Variants in STARD13 observed in about 807,000 individuals in gnomAD.
STARD13 encodes the protein stAR-related lipid transfer protein 13.
STARD13 carries 62 observed loss-of-function variants against 106.4 expected under a neutral mutation model. That is an observed-to-expected ratio of 0.58 (90% CI 0.48 to 0.72). The LOEUF is 0.72. Among genes scored for constraint, STARD13 ranks in the 30% least tolerant of loss-of-function variants. STARD13 has a pLI of 0.00. For synonymous variants in STARD13, 565 were observed against 553.0 expected, an observed-to-expected ratio of 1.02 and a Z score of -0.31; for missense variants, 1,387 against 1,424.0, an observed-to-expected ratio of 0.97 and a Z score of 0.42.
rs1889139751 is a variant in STARD13, at chr13:33,235,454, T to C, written c.169+50016A>G. On this transcript the variant is annotated intron_variant, in intron 1 of 13. Coordinates refer to ENST00000336934, the MANE Select transcript of STARD13 (RefSeq NM_178006.4). ...GTGCAGACATCTCATTATTAAGTAA[T>C]TGTGGTTATTATTAATGAAATAAAA... 2.0e-5 allele frequency among the ~76,000 whole-genome samples: 3 copies of C among 152,314 alleles called. No individual in the cohort carries two copies. The South Asian group carries it at 6.2e-4, about 32-fold the overall frequency.
chr13:33,256,162 A>G (rs930069900), intron 1 of STARD13, among the ~76,000 whole-genome samples: 14 of 152,240 alleles, frequency 9.2e-5, no homozygotes, highest in African/African-American at 3.4e-4. Context: ...AATTCTGAAC[A>G]TGCCTTGAAC....
the STARD13 span, among the ~76,000 whole-genome samples, chr13:33,622,872 A>G: frequency 3.3e-5 from 5 of 150,598 alleles, no homozygotes; most frequent in Middle Eastern, 3.4e-3. Flanking sequence ...GTGAGCCGAG[A>G]TCACGCCACA....
chr13:33,445,578 G>A, the STARD13 span, among the ~76,000 whole-genome samples: 2,566 of 151,598 alleles, frequency 0.017, 85 homozygotes, highest in African/African-American at 0.059. Context: ...GTTTGTTTGC[G>A]TGTTGCTACA....
chr13:33,391,772 C>G, the STARD13 span, among the ~76,000 whole-genome samples: 6 of 152,082 alleles, frequency 3.9e-5, no homozygotes, highest in South Asian at 1.2e-3. Context: ...ATCTCTCGAG[C>G]AATCTCTCAG....
chr13:33,146,441 G>A (rs531148103), intron 3 of STARD13, among the ~76,000 whole-genome samples: 9 of 152,038 alleles, frequency 5.9e-5, no homozygotes, highest in African/African-American at 1.7e-4. Context: ...CTGAGACCAC[G>A]CCACTGCACT....
In STARD13 at chr13:33,129,002, T is replaced by C. The variant is rs750509304; in HGVS notation, c.1675A>G (p.Asn559Asp). The C allele has an allele frequency of 1.4e-5, 22 of 1,614,032 alleles. No homozygotes were observed. The highest frequency in any genetic ancestry group is 1.8e-5 in the Non-Finnish European group (21 of 1,179,976). Residue 559 changes from asparagine (N) to aspartate (D), a missense_variant, in exon 5 of 14, where the codon AAT becomes GAT. Physicochemically the swap from Asn to Asp is conservative, Grantham distance 23 (BLOSUM62 1). Transcript: ENST00000336934. ...CTGACCCCAGGAGGCTCAGATTCATTAAGAGATGTTACATCTCTTTCCACA... is the reference window on the plus strand; with the variant it reads ...CTGACCCCAGGAGGCTCAGATTCATCAAGAGATGTTACATCTCTTTCCACA... Reference protein sequence around the residue: ...SDVERDVTSLNESEPPGVRDR... With the variant: ...SDVERDVTSLDESEPPGVRDR...
chr13:33,126,777 T>C (rs997042991), intron 6 of STARD13, among the ~76,000 whole-genome samples: 2 of 152,216 alleles, frequency 1.3e-5, no homozygotes, highest in Admixed American at 1.3e-4. Context: ...ACCATTGATT[T>C]TTTAAATATG....
intron 1 of STARD13, among the ~76,000 whole-genome samples, chr13:33,193,651 G>A (rs777552416): frequency 6.6e-6 from 1 of 152,156 alleles, no homozygotes; most frequent in Non-Finnish European, 1.5e-5. Context: ...GAAGCCCAAT[G>A]CCTCCCACCT....
chr13:33,155,003 C>A (rs537910330), intron 3 of STARD13, among the ~76,000 whole-genome samples: 7 of 152,188 alleles, frequency 4.6e-5, no homozygotes, highest in African/African-American at 1.4e-4. Context: ...CCTGCCTGCC[C>A]GTAGAGAGGA....
At chr13:33,651,987 C>T in the STARD13 span, among the ~76,000 whole-genome samples, 2 of 152,172 alleles carry the variant, frequency 1.3e-5, no homozygotes, top group African/African-American at 4.8e-5. Flanking sequence ...ATGACAGTGT[C>T]ATGTTGAGCA....
At chr13:33,416,760 A>C in the STARD13 span, among the ~76,000 whole-genome samples, 1 of 152,236 alleles carries the variant, frequency 6.6e-6, no homozygotes, top group Non-Finnish European at 1.5e-5. Context: ...CAAAGGAATA[A>C]ATATCTATGA....
chr13:33,150,739 T>C (rs560554564), intron 3 of STARD13, among the ~76,000 whole-genome samples: 54 of 152,354 alleles, frequency 3.5e-4, no homozygotes, highest in East Asian at 1.5e-3. Flanking sequence ...AAGATAATGA[T>C]ACTGCTGCCA....
intron 1 of STARD13, among the ~76,000 whole-genome samples, chr13:33,251,250 G>C (rs926534799): frequency 2.0e-5 from 3 of 152,136 alleles, no homozygotes; most frequent in Non-Finnish European, 4.4e-5. Context: ...AGGTTGACAG[G>C]CCGCCTGGGA....
the STARD13 span, among the ~76,000 whole-genome samples, chr13:33,464,162 G>A: frequency 2.0e-5 from 3 of 151,726 alleles, no homozygotes; most frequent in African/African-American, 7.3e-5. Flanking sequence ...AAGTAAGCCA[G>A]TAGGGGGCTG....
intron 1 of STARD13, among the ~76,000 whole-genome samples, chr13:33,251,338 G>A (rs766319900): frequency 1.3e-5 from 2 of 152,250 alleles, no homozygotes; most frequent in Middle Eastern, 3.4e-3. Flanking sequence ...GCTGCTGAAG[G>A]AAGTATCTGG....
the STARD13 span, among the ~76,000 whole-genome samples, chr13:33,403,427 AGGGTGT>A: frequency 1.3e-5 from 2 of 152,198 alleles, no homozygotes; most frequent in Non-Finnish European, 2.9e-5. Context: ...GCAGAGGCCA[AGGGTGT>A]GGCAAATAGG....
At chr13:33,638,295 T>A in the STARD13 span, among the ~76,000 whole-genome samples, 113 of 152,260 alleles carry the variant, frequency 7.4e-4, no homozygotes, top group Middle Eastern at 6.8e-3. Flanking sequence ...ATGTCATCAA[T>A]ACATTTTAGT....
intron 3 of STARD13, among the ~76,000 whole-genome samples, chr13:33,144,412 G>A (rs529933185): frequency 3.9e-5 from 6 of 152,118 alleles, no homozygotes; most frequent in East Asian, 1.9e-4. Flanking sequence ...GTCTCCTGTC[G>A]TTGTTTATCA....
Position 33,129,301 on chromosome 13 carries a change from T to C in STARD13, c.1376A>G (p.Tyr459Cys), listed in dbSNP as rs774696613. The C allele has an allele frequency of 1.9e-6, 3 of 1,614,162 alleles. No homozygotes were observed. The highest frequency in any genetic ancestry group is 8.5e-7 in the Non-Finnish European group (1 of 1,180,028). Residue 459 changes from tyrosine (Y) to cysteine (C), a missense_variant, in exon 5 of 14, where the codon TAT (tyrosine) becomes TGT (cysteine). Physicochemically the swap from Tyr to Cys is radical, Grantham distance 194. Transcript: ENST00000336934. ...CAGATGGGAGCCAGGGACATTGTCA[T>C]AGATACTGACTCGGCTGGCTCTGTG... ...SCHRASRVSI[Y>C]DNVPGSHLYA...
Sources: gnomAD v4.1 joint callset for allele counts (sites outside exome capture counted in the v4.1 genomes callset) on GRCh38, gnomAD v4.1.1 for gene constraint, MANE v1.5 for transcripts, NCBI Gene and HGNC (gene_info 2026-07-23, HGNC 2026-07-21) for gene names.